ATP13A4: variants seen among roughly 807,000 people sequenced by gnomAD.
The protein encoded by ATP13A4 is probable cation-transporting ATPase 13A4.
Under a neutral mutation model 142.5 loss-of-function variants are expected in ATP13A4, and 114 were observed. That is an observed-to-expected ratio of 0.80 (90% confidence interval 0.69 to 0.93). ATP13A4 has a LOEUF of 0.93. Among genes scored for constraint, ATP13A4 ranks in the 40% least tolerant of loss-of-function variants. The pLI, the probability that ATP13A4 is intolerant of heterozygous loss-of-function variation, is 0.00. For synonymous variants in ATP13A4, 488 were observed against 514.8 expected (o/e 0.95, Z 0.70); for missense variants, 1,392 against 1,454.0 (o/e 0.96, Z 0.69).
At chr3:193,541,228 G>A (rs529402664) in intron 1 of ATP13A4, among the ~76,000 whole-genome samples, 11,715 of 121,662 alleles carry the variant, frequency 0.096, 536 homozygotes, top group Middle Eastern at 0.13. Flanking sequence ...CAGCCTGGGC[G>A]ACAGAGCGAG....
At position 193,413,794 on chromosome 3, in the gene ATP13A4, T is replaced by G. The variant is rs1208230642; in HGVS notation, c.3014+785A>C. 3.3e-5 allele frequency among the ~76,000 whole-genome samples: 5 copies of G among 152,226 alleles called. No homozygotes were observed. The East Asian group carries it at 9.6e-4, about 29-fold the overall frequency. ...TGTTTTCTGTTGCTTAAGATGTTTA[T>G]CAAGACAATATATGCACAGCTGAAC... is the stretch of plus-strand genomic sequence containing the variant. On this transcript the variant is annotated intron_variant, in intron 26 of 29. Coordinates refer to ENST00000342695, the MANE Select transcript of ATP13A4 (RefSeq NM_032279.4).
chr3:193,457,178 A>G (rs1405694034), intron 15 of ATP13A4, 25 bp from the exon 16 acceptor site: 1 of 1,612,372 alleles, frequency 6.2e-7, no homozygotes. Flanking sequence ...GGGAAAGGAG[A>G]GGAACATGCT....
At chr3:193,538,053 A>G (rs1226384014) in intron 1 of ATP13A4, among the ~76,000 whole-genome samples, 1 of 152,158 alleles carries the variant, frequency 6.6e-6, no homozygotes, top group Admixed American at 6.5e-5. Flanking sequence ...ATGTCACTAT[A>G]CTAATTGTGA....
intron 8 of ATP13A4, among the ~76,000 whole-genome samples, chr3:193,474,423 G>A (rs556576755): frequency 6.0e-5 from 9 of 151,130 alleles, no homozygotes; most frequent in South Asian, 4.2e-4. Flanking sequence ...GCATGGTGGC[G>A]CACACTGGAA....
In ATP13A4 at chr3:193,460,034, A is replaced by T. The variant is rs181006109; in HGVS notation, c.1524-803T>A. ...TCTCAAAGCAGCTTACCCTATTAGG[A>T]GGACGTTTGAACGGTGGAAGCTTCA... is the stretch of plus-strand genomic sequence containing the variant. On this transcript the variant is annotated intron_variant, in intron 13 of 29. Coordinates refer to ENST00000342695, the MANE Select transcript of ATP13A4 (RefSeq NM_032279.4). Among the ~76,000 whole-genome samples the T allele has an allele frequency of 2.7e-3, 412 of 152,242 alleles. 2 individuals carry two copies. Among genetic ancestry groups the T allele is most frequent in the Non-Finnish European group, 4.5e-3 (308 of 68,012 alleles).
chr3:193,476,401 G>C (rs1268595103), intron 8 of ATP13A4, among the ~76,000 whole-genome samples: 1 of 152,056 alleles, frequency 6.6e-6, no homozygotes, highest in Non-Finnish European at 1.5e-5. Context: ...CCTGACTCTG[G>C]ATTGGGCTTT....
Position 193,400,137 on chromosome 3 carries a change from G to T in ATP13A4, c.*2515C>A, listed in dbSNP as rs569380312. 6.6e-6 allele frequency among the ~76,000 whole-genome samples: 1 copy of T among 152,292 alleles called. No individual in the cohort carries two copies. The highest frequency in any genetic ancestry group is 2.1e-4 in the South Asian group (1 of 4,818). On this transcript the variant is annotated 3_prime_UTR_variant, in exon 30 of 30. Transcript: ENST00000342695. ...TTCTCATGCCACCTGGCACAAGTAG[G>T]ATCCTTCTTTCTCAGGAAAACCCTT...
intron 2 of ATP13A4, among the ~76,000 whole-genome samples, chr3:193,573,804 C>G (rs1724338372): frequency 6.6e-6 from 1 of 152,178 alleles, no homozygotes; most frequent in South Asian, 2.1e-4. Flanking sequence ...AGCCTTTGTA[C>G]ACAAAAGTCA....
chr3:193,489,627 C>G, intron 7 of ATP13A4, 103 bp downstream of exon 7: 1 of 1,267,028 alleles, frequency 7.9e-7, no homozygotes. Context: ...TCATTTACTA[C>G]GGAGTAGGAA....
chr3:193,440,570 A>G lies in ATP13A4; in HGVS notation c.2507T>C (p.Phe836Ser). The change falls in exon 21 of 30, where the codon TTT becomes TCT. Residue 836 changes from phenylalanine (F) to serine (S), a missense_variant. Phe to Ser is a radical substitution (Grantham distance 155). Transcript: ENST00000342695. ...GCAAAGAACCTACTCCAGTTTCTGA[A>G]ATTCTTCCACCAGACTGGACTTCTG... ...PGQKSSLVEEFQKLDYFVGMC... is the reference protein window; with the variant it reads ...PGQKSSLVEESQKLDYFVGMC... 6.2e-7 allele frequency: 1 copy of G among 1,613,982 alleles called. No individual in the cohort carries two copies.
intron 3 of ATP13A4, among the ~76,000 whole-genome samples, chr3:193,500,566 C>T (rs1001993792): frequency 1.3e-5 from 2 of 152,186 alleles, no homozygotes; most frequent in African/African-American, 4.8e-5. Context: ...AGATCCCTCA[C>T]ATGCGCAGTT....
At chr3:193,429,959 GT>G (rs1291832680) in intron 25 of ATP13A4, among the ~76,000 whole-genome samples, 1 of 151,958 alleles carries the variant, frequency 6.6e-6, no homozygotes, top group African/African-American at 2.4e-5. Context: ...ATCTTGAAAT[GT>G]TTTCCATCTT....
At chr3:193,489,428 T>C (rs1719819498) in intron 7 of ATP13A4, among the ~76,000 whole-genome samples, 1 of 152,166 alleles carries the variant, frequency 6.6e-6, no homozygotes, top group Non-Finnish European at 1.5e-5. Context: ...CCCATCAGTA[T>C]TCTCTACATA....
chr3:193,407,826 C>A (rs935930142), intron 28 of ATP13A4, among the ~76,000 whole-genome samples: 2 of 152,204 alleles, frequency 1.3e-5, no homozygotes, highest in African/African-American at 4.8e-5. Context: ...CCATGTCAAA[C>A]CTTCACAACT....
chr3:193,521,935 A>C (rs909487515), intron 1 of ATP13A4, among the ~76,000 whole-genome samples: 6 of 151,890 alleles, frequency 4.0e-5, no homozygotes, highest in African/African-American at 1.5e-4. Context: ...TGCATCTAAA[A>C]AAATAATACT....
At chr3:193,479,870 C>A (rs1285083696) in intron 8 of ATP13A4, among the ~76,000 whole-genome samples, 1 of 152,146 alleles carries the variant, frequency 6.6e-6, no homozygotes, top group Non-Finnish European at 1.5e-5. Flanking sequence ...TCAAACTATA[C>A]TATAAGACCA....
intron 1 of ATP13A4, among the ~76,000 whole-genome samples, chr3:193,530,342 C>T (rs534369733): frequency 6.6e-6 from 1 of 152,302 alleles, no homozygotes; most frequent in East Asian, 1.9e-4. Flanking sequence ...GAAACCTCCT[C>T]AGTCAGAACT....
At chr3:193,521,794 G>A (rs1247163546) in intron 1 of ATP13A4, among the ~76,000 whole-genome samples, 1 of 152,096 alleles carries the variant, frequency 6.6e-6, no homozygotes, top group Non-Finnish European at 1.5e-5. Context: ...TTAGCTGGGT[G>A]TGGTGGCACA....
At chr3:193,555,030 C>T, upstream of ATP13A4, 1 of 1,027,818 alleles carries the variant, frequency 9.7e-7, no homozygotes, top group Non-Finnish European at 1.4e-6. Flanking sequence ...CTGCTCCCTG[C>T]TTATTGCATT....
Sources: allele counts gnomAD v4.1 joint callset (sites outside exome capture counted in the v4.1 genomes callset), GRCh38; gene constraint gnomAD v4.1.1; transcripts MANE v1.5; gene names NCBI Gene and HGNC (gene_info 2026-07-23, HGNC 2026-07-21).